KAZN: variants seen among roughly 807,000 people sequenced by gnomAD.
KAZN encodes the protein kazrin, periplakin interacting protein.
In KAZN, 40 loss-of-function variants were observed where a neutral mutation model predicts 87.4. That is an observed-to-expected ratio of 0.46 (90% CI 0.36 to 0.60). The LOEUF (loss-of-function observed/expected upper bound fraction) is 0.60. KAZN is among the 20% of genes least tolerant of loss of function. The pLI, the probability that KAZN is intolerant of heterozygous loss-of-function variation, is 0.00. For missense variants in KAZN, 898 were observed against 1,073.9 expected, an observed-to-expected ratio of 0.84 and a Z score of 2.29; for synonymous variants, 466 against 458.3, an observed-to-expected ratio of 1.02 and a Z score of -0.22.
chr1:14,826,592 G>A (rs145981092), intron 1 of KAZN, among the ~76,000 whole-genome samples: 14 of 152,270 alleles, frequency 9.2e-5, no homozygotes, highest in Non-Finnish European at 1.6e-4. Context: ...TCGGTCCCGC[G>A]CTGGCCGTTT....
At position 14,762,703 on chromosome 1, in the gene KAZN, T is replaced by G. The variant is rs796185292; in HGVS notation, c.226+163480T>G. 2.6e-3 allele frequency among the ~76,000 whole-genome samples: 390 copies of G among 150,254 alleles called. 1 individual carries two copies. The highest frequency in any genetic ancestry group is 8.9e-3 in the African/African-American group (363 of 40,742). ...TCGCGCCACTGCACTCTAGCCTGGG[T>G]GACAGAGCAAGACTCTGTCTCAAAA... On this transcript the variant is annotated intron_variant, in intron 1 of 14. Transcript: ENST00000376030.
At chr1:14,304,047 G>C (rs1274316339) in intron 2 of KAZN, among the ~76,000 whole-genome samples, 3 of 152,172 alleles carry the variant, frequency 2.0e-5, no homozygotes, top group African/African-American at 7.2e-5. Context: ...CCAACTTCAA[G>C]TATTGATGGT....
chr1:14,646,080 G>C (rs944252767), intron 1 of KAZN, among the ~76,000 whole-genome samples: 1 of 152,170 alleles, frequency 6.6e-6, no homozygotes, highest in South Asian at 2.1e-4. Context: ...GATCACTAGA[G>C]GGTAGGGGTT....
At chr1:14,665,948 A>AAAT (rs1553206138) in intron 1 of KAZN, among the ~76,000 whole-genome samples, 13 of 151,816 alleles carry the variant, frequency 8.6e-5, no homozygotes, top group Non-Finnish European at 1.9e-4. Context: ...AAAAAAAAAA[A>AAAT]AAAAATAACA....
At chr1:14,027,604 G>T (rs1641136774) in intron 1 of KAZN, among the ~76,000 whole-genome samples, 1 of 152,054 alleles carries the variant, frequency 6.6e-6, no homozygotes, top group Non-Finnish European at 1.5e-5. Context: ...TACATAGAAA[G>T]TAATCAATGT....
intron 2 of KAZN, among the ~76,000 whole-genome samples, chr1:14,999,616 T>C (rs1181304120): frequency 6.6e-6 from 1 of 152,056 alleles, no homozygotes; most frequent in Admixed American, 6.6e-5. Flanking sequence ...CAGATCAGAA[T>C]CTCCGGGCAC....
At chr1:14,640,586 C>T (rs1196086570) in intron 1 of KAZN, among the ~76,000 whole-genome samples, 2 of 152,298 alleles carry the variant, frequency 1.3e-5, no homozygotes, top group East Asian at 3.9e-4. Flanking sequence ...AAGTACTCAT[C>T]CAGCACTCTG....
intron 2 of KAZN, among the ~76,000 whole-genome samples, chr1:14,431,495 C>T (rs1478049047): frequency 2.6e-5 from 4 of 152,042 alleles, no homozygotes; most frequent in Non-Finnish European, 5.9e-5. Flanking sequence ...TTGAAGAATG[C>T]CTAGATAGCT....
intron 1 of KAZN, among the ~76,000 whole-genome samples, chr1:14,649,153 C>T (rs1312217974): frequency 6.6e-6 from 1 of 152,192 alleles, no homozygotes; most frequent in Non-Finnish European, 1.5e-5. Context: ...TGGCCAGGCC[C>T]TGAATTTTTT....
chr1:15,066,459 C>A lies in KAZN; in HGVS notation c.1222+706C>A. The A allele has an allele frequency of 1.0e-6, 1 of 985,362 alleles. No individual in the cohort carries two copies. Among genetic ancestry groups the A allele is most frequent in the African/African-American group, 1.7e-5 (1 of 57,322 alleles). The allele number at this position is 985,362 out of a possible 1,614,324, so 61.0% of individuals were successfully genotyped here. On this transcript the variant is annotated intron_variant, in intron 8 of 14. Coordinates refer to ENST00000376030, the MANE Select transcript of KAZN (RefSeq NM_201628.3). This position sits in a 1 kb window ranked among gnomAD's most constrained non-coding sequence, Gnocchi z 4.3. Reference sequence around the variant, plus strand: ...CTGCTCTCTACAAAGACTCGCGAGCCGGGCCAAGGGGCCTTGTCTTGGCTG... The same window carrying A: ...CTGCTCTCTACAAAGACTCGCGAGCAGGGCCAAGGGGCCTTGTCTTGGCTG...
At chr1:14,082,933 C>T (rs546424990) in intron 1 of KAZN, among the ~76,000 whole-genome samples, 2 of 152,294 alleles carry the variant, frequency 1.3e-5, no homozygotes, top group African/African-American at 4.8e-5. Context: ...TGGTGGCTCA[C>T]GCCTGTAATC....
Position 14,070,597 on chromosome 1 carries a change from T to A in KAZN, c.92-109838T>A, listed in dbSNP as rs543352975. On this transcript the variant is annotated intron_variant, in intron 1 of 16. Transcript: ENST00000636203. ...TACAGTGCTGTGGCCACCATTATTG[T>A]TGAGAGAAATAATGTCTGATATTAA... is the stretch of plus-strand genomic sequence containing the variant. Among the ~76,000 whole-genome samples, 461 of 152,326 alleles carry A rather than the reference T, an allele frequency of 3.0e-3. 4 individuals are homozygous for A. Among genetic ancestry groups the A allele is most frequent in the South Asian group, 0.022 (104 of 4,826 alleles).
intron 2 of KAZN, among the ~76,000 whole-genome samples, chr1:14,214,155 AT>A (rs527369579): frequency 7.4e-4 from 112 of 152,354 alleles, no homozygotes; most frequent in African/African-American, 2.6e-3. Context: ...AAATCATGAG[AT>A]TGGATGAGAT....
At chr1:15,040,951 G>GT (rs201462100) in intron 3 of KAZN, among the ~76,000 whole-genome samples, 16 of 151,290 alleles carry the variant, frequency 1.1e-4, no homozygotes, top group African/African-American at 2.9e-4. Flanking sequence ...TTTGTTTTTT[G>GT]TTTTTTTTAT....
intron 1 of KAZN, among the ~76,000 whole-genome samples, chr1:14,860,735 A>T (rs1650738964): frequency 1.3e-5 from 2 of 152,248 alleles, no homozygotes; most frequent in African/African-American, 4.8e-5. Context: ...TGTATTCAAC[A>T]CACGCATATG....
chr1:14,915,445 A>G (rs1266024304), intron 1 of KAZN, among the ~76,000 whole-genome samples: 1 of 152,160 alleles, frequency 6.6e-6, no homozygotes, highest in African/African-American at 2.4e-5. Flanking sequence ...AAATGGAGAC[A>G]CAGAGTCTGA....
At chr1:14,027,121 G>T (rs996890952) in intron 1 of KAZN, among the ~76,000 whole-genome samples, 1 of 152,196 alleles carries the variant, frequency 6.6e-6, no homozygotes, top group East Asian at 1.9e-4. Flanking sequence ...ACAGCATATC[G>T]TATTTCAAAC....
intron 4 of KAZN, among the ~76,000 whole-genome samples, chr1:15,048,480 C>G (rs1353130179): frequency 6.6e-6 from 1 of 151,846 alleles, no homozygotes; most frequent in African/African-American, 2.4e-5. Flanking sequence ...TGTCAAGGCC[C>G]GAGCCCACAT....
At position 15,096,997 on chromosome 1, in the gene KAZN, C is replaced by T. The variant is rs945424873; in HGVS notation, c.1547+2064C>T. ...TCGTGGAGCCCCACCCTTAGACACC[C>T]CCAGGGCTTCCTGGAGGAGGCAGAG... On this transcript the variant is annotated intron_variant, in intron 10 of 14. Coordinates refer to ENST00000376030, the MANE Select transcript of KAZN (RefSeq NM_201628.3). The surrounding 1 kb of genome is among the most constrained non-coding windows in gnomAD (Gnocchi z 4.5). 3.3e-5 allele frequency among the ~76,000 whole-genome samples: 5 copies of T among 152,152 alleles called. No homozygotes were observed. Among genetic ancestry groups the T allele is most frequent in the African/African-American group, 1.2e-4 (5 of 41,440 alleles).
Sources: gnomAD v4.1 joint callset for allele counts (sites outside exome capture counted in the v4.1 genomes callset) on GRCh38, gnomAD v4.1.1 for gene constraint, Gnocchi (gnomAD v3.1) non-coding constraint, MANE v1.5 for transcripts, NCBI Gene and HGNC (gene_info 2026-07-23, HGNC 2026-07-21) for gene names.